The following FOXJ3 variants were observed in gnomAD, a reference collection of about 807,000 sequenced individuals.
FOXJ3 encodes forkhead box J3, also known as forkhead box protein J3.
A neutral mutation model predicts 76.1 loss-of-function variants in FOXJ3; 22 were observed. That is an observed-to-expected ratio of 0.29 (90% confidence interval 0.21 to 0.41). The LOEUF (loss-of-function observed/expected upper bound fraction) is 0.41, where lower values mean the gene tolerates loss of function less well. Ranked by LOEUF, FOXJ3 falls within the 10% of genes least tolerant of loss-of-function variation. The probability of loss-of-function intolerance (pLI) is 1.00; values close to 1 mark genes in which losing one functional copy is unlikely to be tolerated. For missense variants in FOXJ3, 613 were observed against 762.1 expected (o/e 0.80, Z 2.30); for synonymous variants, 269 against 261.2 (o/e 1.03, Z -0.29).
At chr1:42,282,290 C>A (rs1020826407) in intron 2 of FOXJ3, among the ~76,000 whole-genome samples, 8 of 152,088 alleles carry the variant, frequency 5.3e-5, no homozygotes, top group African/African-American at 1.9e-4. Context: ...AACCACTCCT[C>A]CCTACTAATC....
At chr1:42,230,112 C>G (rs1462477684) in intron 4 of FOXJ3, among the ~76,000 whole-genome samples, 1 of 152,174 alleles carries the variant, frequency 6.6e-6, no homozygotes, top group Admixed American at 6.5e-5. Context: ...TACCTATCCA[C>G]TAGGTATTCA....
intron 4 of FOXJ3, among the ~76,000 whole-genome samples, chr1:42,240,696 C>T (rs904519728): frequency 1.1e-4 from 17 of 151,986 alleles, no homozygotes; most frequent in African/African-American, 2.4e-4. Context: ...TCACACCACA[C>T]GTAAAAAATA....
At chr1:42,318,573 G>A (rs188821902) in intron 1 of FOXJ3, among the ~76,000 whole-genome samples, 5 of 152,232 alleles carry the variant, frequency 3.3e-5, no homozygotes, top group South Asian at 2.1e-4. Context: ...TCAAATTCCC[G>A]ACGTCAGGTG....
chr1:42,273,487 A>T (rs1652015687), intron 3 of FOXJ3, among the ~76,000 whole-genome samples: 1 of 152,088 alleles, frequency 6.6e-6, no homozygotes, highest in Admixed American at 6.5e-5. Context: ...CAGCCTGGCC[A>T]ACATGGTGAA....
chr1:42,303,980 A>T (rs1311176433), intron 2 of FOXJ3, among the ~76,000 whole-genome samples: 1 of 152,168 alleles, frequency 6.6e-6, no homozygotes, highest in Non-Finnish European at 1.5e-5. Flanking sequence ...AAGAGGTCCA[A>T]ATTATCCTTG....
At position 42,227,963 on chromosome 1, in the gene FOXJ3, A is replaced by T; in HGVS notation, c.448T>A (p.Ser150Thr). The change falls in exon 5 of 13, where the codon TCC becomes ACC. Residue 150 changes from serine (S) to threonine (T), a missense_variant. By Grantham distance (58) the Ser-to-Thr change is moderately conservative (BLOSUM62 1). Coordinates refer to ENST00000361346, the MANE Select transcript of FOXJ3 (RefSeq NM_014947.5). Reference sequence around the variant, plus strand: ...GGATTGGTGTCTATTGCCCAGTAGGACCCCTAGAGGTAAAGAAATTATATT... The same window carrying T: ...GGATTGGTGTCTATTGCCCAGTAGGTCCCCTAGAGGTAAAGAAATTATATT... ...PRSKDDPGKG[S>T]YWAIDTNPKE... The T allele has an allele frequency of 6.5e-7, 1 of 1,536,616 alleles. No homozygotes were observed. The highest frequency in any genetic ancestry group is 1.2e-5 in the South Asian group (1 of 81,562).
chr1:42,214,121 AG>A (rs1647019625), intron 5 of FOXJ3, among the ~76,000 whole-genome samples: 1 of 152,188 alleles, frequency 6.6e-6, no homozygotes, highest in South Asian at 2.1e-4. Context: ...CTTTGGTATG[AG>A]GCACTGTACT....
Position 42,289,763 on chromosome 1 carries a change from A to G in FOXJ3, c.45-11091T>C, listed in dbSNP as rs1653297713. The stretch of plus-strand genomic sequence containing the variant: ...ATAATAAATATTACAGACCTTCCAT[A>G]CTGCTCATTATGATTACCTGAGTTG... On this transcript the variant is annotated intron_variant, in intron 2 of 12. Transcript: ENST00000361346. 2.6e-5 allele frequency among the ~76,000 whole-genome samples: 4 copies of G among 152,240 alleles called. No individual in the cohort carries two copies. In the South Asian group the frequency reaches 6.2e-4, roughly 24 times the overall value.
intron 7 of FOXJ3, among the ~76,000 whole-genome samples, chr1:42,196,903 A>G (rs182782150): frequency 6.6e-6 from 1 of 152,158 alleles, no homozygotes; most frequent in Non-Finnish European, 1.5e-5. Flanking sequence ...AATTACTTCA[A>G]AAAGCAACTT....
chr1:42,328,699 A>G lies in FOXJ3; in HGVS notation c.-18+6360T>C, dbSNP rs1309681268. 3.5e-5 allele frequency among the ~76,000 whole-genome samples: 3 copies of G among 86,488 alleles called. No homozygotes were observed. In the Admixed American group the frequency reaches 4.4e-4, roughly 13 times the overall value. 56.7% of individuals were successfully genotyped at this position (86,488 alleles called of 152,430 possible). ...CTATTTTTTTTTTTTTTTTTTTTTG[A>G]GACAATGTCTTACTCCCTTGCCCAG... On this transcript the variant is annotated intron_variant, in intron 1 of 12. Transcript: ENST00000361346.
At chr1:42,264,202 G>C (rs1651297442) in intron 4 of FOXJ3, among the ~76,000 whole-genome samples, 1 of 152,036 alleles carries the variant, frequency 6.6e-6, no homozygotes, top group African/African-American at 2.4e-5. Flanking sequence ...AATTTGTACA[G>C]AAGACCATAT....
rs751784369 is a variant in FOXJ3 at position 42,179,674 on chromosome 1, G to T, written c.*36C>A. ...ACCTTTCCCTTCACTGCACAGAAAG[G>T]TAACGTTAGGGTCTGGTGTCTTGCA... is the stretch of plus-strand genomic sequence containing the variant. On this transcript the variant is annotated 3_prime_UTR_variant, in exon 13 of 13. Coordinates refer to ENST00000361346, the MANE Select transcript of FOXJ3 (RefSeq NM_014947.5). 7.7e-7 allele frequency: 1 copy of T among 1,299,592 alleles called. No individual in the cohort carries two copies. The highest frequency in any genetic ancestry group is 1.1e-6 in the Non-Finnish European group (1 of 894,470). 80.5% of individuals were successfully genotyped at this position (1,299,592 alleles called of 1,614,324 possible).
At chr1:42,231,415 A>G (rs570965388) in intron 4 of FOXJ3, among the ~76,000 whole-genome samples, 25 of 152,182 alleles carry the variant, frequency 1.6e-4, no homozygotes, top group Admixed American at 6.5e-4. Flanking sequence ...GATTCCACTT[A>G]TAAGTACTAA....
intron 2 of FOXJ3, among the ~76,000 whole-genome samples, chr1:42,299,278 T>G (rs559360875): frequency 6.6e-6 from 1 of 152,176 alleles, no homozygotes; most frequent in Non-Finnish European, 1.5e-5. Context: ...TATTTATGAA[T>G]CTGGGTGCTC....
At chr1:42,312,242 C>A (rs1293964249) in intron 1 of FOXJ3, among the ~76,000 whole-genome samples, 3 of 152,062 alleles carry the variant, frequency 2.0e-5, no homozygotes, top group Non-Finnish European at 4.4e-5. Context: ...TAAAAAAATA[C>A]AGATGGGGTT....
At chr1:42,298,192 G>C (rs1653907699) in intron 2 of FOXJ3, among the ~76,000 whole-genome samples, 1 of 152,194 alleles carries the variant, frequency 6.6e-6, no homozygotes, top group African/African-American at 2.4e-5. Flanking sequence ...CTTCTGCCAT[G>C]ATTATAAGCT....
In FOXJ3 at chr1:42,253,828, A is replaced by G. The variant is rs532002984; in HGVS notation, c.444+11287T>C. Among the ~76,000 whole-genome samples, 20 of 152,258 alleles carry G rather than the reference A, an allele frequency of 1.3e-4. No individual in the cohort carries two copies. In the South Asian group the frequency reaches 4.1e-3, roughly 32 times the overall value. Reference sequence around the variant, plus strand: ...AAAATTAATTCCAGATGGATTAAAGACTTATATGTTAGACCTAAAACCATA... The same window carrying G: ...AAAATTAATTCCAGATGGATTAAAGGCTTATATGTTAGACCTAAAACCATA... On this transcript the variant is annotated intron_variant, in intron 4 of 12. Coordinates refer to ENST00000361346, the MANE Select transcript of FOXJ3 (RefSeq NM_014947.5).
chr1:42,255,900 T>TA (rs1452905477), intron 4 of FOXJ3, among the ~76,000 whole-genome samples: 1 of 152,158 alleles, frequency 6.6e-6, no homozygotes, highest in African/African-American at 2.4e-5. Flanking sequence ...CACATGCCTG[T>TA]AGTCCCAGCT....
chr1:42,237,463 T>G (rs1424652831), intron 4 of FOXJ3, among the ~76,000 whole-genome samples: 1 of 146,038 alleles, frequency 6.8e-6, no homozygotes, highest in Admixed American at 6.8e-5. Context: ...CATACATACA[T>G]ATACATATAT....
Sources: allele counts gnomAD v4.1 joint callset (sites outside exome capture counted in the v4.1 genomes callset), GRCh38; gene constraint gnomAD v4.1.1; transcripts MANE v1.5; gene names NCBI Gene and HGNC (gene_info 2026-07-23, HGNC 2026-07-21).